The following TNXB variants were observed in gnomAD, a reference collection of about 807,000 sequenced individuals.
TNXB encodes the protein tenascin XB.
Under a neutral mutation model 340.5 loss-of-function variants are expected in TNXB, and 183 were observed. That is an observed-to-expected ratio of 0.54 (90% confidence interval 0.48 to 0.61). The LOEUF is 0.61. TNXB is among the 20% of genes least tolerant of loss of function. The probability of loss-of-function intolerance (pLI) is 0.00; values close to 1 mark genes in which losing one functional copy is unlikely to be tolerated. For synonymous variants in TNXB, 2,121 were observed against 2,314.5 expected (o/e 0.92, Z 2.40); for missense variants, 4,613 against 5,446.4 (o/e 0.85, Z 4.82).
In TNXB at chr6:32,097,069, C is replaced by T; in HGVS notation, c.784G>A (p.Gly262Arg). The change falls in exon 3 of 44, where the codon GGG becomes AGG. Residue 262 changes from glycine to arginine, a missense_variant. Coordinates refer to ENST00000644971, the MANE Select transcript of TNXB (RefSeq NM_001365276.2). The surrounding 1 kb of genome is among the most constrained non-coding windows in gnomAD (Gnocchi z 5.9). Reference sequence around the variant, plus strand: ...TAGCCTGGGTCACACACGCAGCGCCCACCCTCACAGCGTCCCCTCTGGCTG... The same window carrying T: ...TAGCCTGGGTCACACACGCAGCGCCTACCCTCACAGCGTCCCCTCTGGCTG... The part of the protein sequence containing the change: ...GCSQRGRCEG[G>R]RCVCDPGYTG... The T allele has an allele frequency of 6.2e-7, 1 of 1,613,768 alleles. No individual in the cohort carries two copies. The highest frequency in any genetic ancestry group is 8.5e-7 in the Non-Finnish European group (1 of 1,179,758).
chr6:32,071,388 C>T (rs571150685), intron 13 of TNXB, among the ~76,000 whole-genome samples: 6 of 152,128 alleles, frequency 3.9e-5, no homozygotes, highest in African/African-American at 1.4e-4. Flanking sequence ...GGAAGGGTTC[C>T]TGGCTCCCCT....
At chr6:32,106,111 G>C (rs1045870330) in intron 1 of TNXB, among the ~76,000 whole-genome samples, 33 of 146,056 alleles carry the variant, frequency 2.3e-4, no homozygotes, top group African/African-American at 7.6e-4. Flanking sequence ...CTCTTGAGGG[G>C]GTAGTGACTA....
At position 32,067,115 on chromosome 6, in the gene TNXB, G is replaced by A. The variant is rs28732170; in HGVS notation, c.6544+546C>T. 2.3e-5 allele frequency among the ~76,000 whole-genome samples: 3 copies of A among 129,276 alleles called. No individual in the cohort carries two copies. The Admixed American group carries it at 2.6e-4, about 11-fold the overall frequency. 84.8% of individuals were successfully genotyped at this position (129,276 alleles called of 152,430 possible). A position where few individuals can be genotyped will look rare whatever the true frequency, so the allele number is the denominator to read the frequency against. On this transcript the variant is annotated intron_variant, in intron 18 of 43. Transcript: ENST00000644971. This position sits in a 1 kb window ranked among gnomAD's most constrained non-coding sequence, Gnocchi z 4.2. ...AAAGAATGAAAGAAAGAAAGAAAGA[G>A]AAAGAAAGAAAGGAAGGAAGAAAGA...
In TNXB at chr6:32,063,197, G is replaced by C. The variant is rs11753145; in HGVS notation, c.6842-714C>G. Among the ~76,000 whole-genome samples the C allele has an allele frequency of 4.8e-3, 738 of 152,280 alleles. 4 individuals are homozygous for C. The highest frequency in any genetic ancestry group is 0.02 in the Middle Eastern group (6 of 294). On this transcript the variant is annotated intron_variant, in intron 19 of 43. Transcript: ENST00000644971. ...GAGGTCAGGAGCTTGAGACCAGCCT[G>C]GCCAACATGGCGAAATCCTGTCTGT... is the stretch of plus-strand genomic sequence containing the variant.
chr6:32,105,258 C>T (rs958969742), intron 1 of TNXB, among the ~76,000 whole-genome samples: 8 of 152,142 alleles, frequency 5.3e-5, no homozygotes, highest in Non-Finnish European at 1.0e-4. Context: ...GGTCTCAGCC[C>T]GCCATTTTTT....
In TNXB at chr6:32,084,954, C is replaced by G. The variant is rs1582448903; in HGVS notation, c.3149-245G>C. Among the ~76,000 whole-genome samples the G allele has an allele frequency of 6.6e-6, 1 of 152,300 alleles. No individual in the cohort carries two copies. ...TCTTGGTCTCTCTGCACACCAGGAT[C>G]TTTGCGGGGGTTTCAGGTCCCCCTG... On this transcript the variant is annotated intron_variant, in intron 7 of 43. Transcript: ENST00000644971. This position sits in a 1 kb window ranked among gnomAD's most constrained non-coding sequence, Gnocchi z 5.5.
At chr6:32,092,605 G>A (rs1163763713) in intron 4 of TNXB, among the ~76,000 whole-genome samples, 4 of 151,572 alleles carry the variant, frequency 2.6e-5, no homozygotes, top group African/African-American at 4.8e-5. Flanking sequence ...CAGGAGAATC[G>A]TTTGAACCTG....
rs1329325238 is a variant in TNXB, at chr6:32,109,176, C to G, written c.-9+5G>C. The G allele has an allele frequency of 6.6e-6, 1 of 152,328 alleles. No individual in the cohort carries two copies. Among genetic ancestry groups the G allele is most frequent in the African/African-American group, 2.4e-5 (1 of 41,438 alleles). The allele number at this position is 152,328 out of a possible 1,614,324, so 9.4% of individuals were successfully genotyped here. ...TCTGGGTCTCCCCAGAACTCTGTTC[C>G]TTACCTGGGCAACCGAGCAGCTGCA... is the stretch of plus-strand genomic sequence containing the variant. On this transcript the variant is annotated splice_donor_5th_base_variant and intron_variant, in intron 1 of 43. Transcript: ENST00000644971.
rs1403860239 is a variant in TNXB, at chr6:32,070,034, G to A, written c.5278+93C>T. The A allele has an allele frequency of 4.9e-6, 7 of 1,432,954 alleles. No homozygotes were observed. The East Asian group carries it at 1.7e-4, about 35-fold the overall frequency. 88.8% of individuals were successfully genotyped at this position (1,432,954 alleles called of 1,614,324 possible). Reference sequence around the variant, plus strand: ...AGCTGGATCTGAGCCGAGTGGCTGGGGCCAAATAATGGTAATGGCAGCCAC... The same window carrying A: ...AGCTGGATCTGAGCCGAGTGGCTGGAGCCAAATAATGGTAATGGCAGCCAC... On this transcript the variant is annotated intron_variant, in intron 14 of 43. Transcript: ENST00000644971. The surrounding 1 kb of genome is among the most constrained non-coding windows in gnomAD (Gnocchi z 6.0).
chr6:32,087,548 G>T lies in TNXB; in HGVS notation c.2779+1237C>A, dbSNP rs1411641679. 2.2e-6 allele frequency: 1 copy of T among 449,516 alleles called. No homozygotes were observed. Among genetic ancestry groups the T allele is most frequent in the Non-Finnish European group, 4.4e-6 (1 of 225,076 alleles). The allele number at this position is 449,516 out of a possible 1,614,324, so 27.8% of individuals were successfully genotyped here. ...GCAGCCACCCGGTCGACGCCTTCAG[G>T]CGAGAGGCCGTAGATTCCCTGGTTG... On this transcript the variant is annotated intron_variant, in intron 6 of 43. Coordinates refer to ENST00000644971, the MANE Select transcript of TNXB (RefSeq NM_001365276.2). This position sits in a 1 kb window ranked among gnomAD's most constrained non-coding sequence, Gnocchi z 9.0.
At chr6:32,098,452 GGTTT>G (rs1368794669) in intron 1 of TNXB, among the ~76,000 whole-genome samples, 1 of 149,746 alleles carries the variant, frequency 6.7e-6, no homozygotes, top group African/African-American at 2.5e-5. Context: ...CCCCTACACT[GGTTT>G]TTTTGTTTTG....
In TNXB at chr6:32,050,389, C is replaced by T. The variant is rs1169853068; in HGVS notation, c.9116-68G>A. 1.9e-6 allele frequency: 3 copies of T among 1,573,426 alleles called. No homozygotes were observed. In the African/African-American group the frequency reaches 4.0e-5, roughly 21 times the overall value. On this transcript the variant is annotated intron_variant, in intron 26 of 43. Transcript: ENST00000644971. ...AGTTCAGCATAGAAAGGATGTGTCA[C>T]AAAACACAAAGTGCCCAAGAACAGG...
rs546340958 is a variant in TNXB, at chr6:32,065,681, G to A, written c.6545-564C>T. ...GTCACCCAGGCTGGAGTGCAGTGGC[G>A]CGATCTTGGCTCACTGCAACCTCCA... On this transcript the variant is annotated intron_variant, in intron 18 of 43. Transcript: ENST00000644971. 6.6e-5 allele frequency among the ~76,000 whole-genome samples: 10 copies of A among 152,122 alleles called. No individual in the cohort carries two copies. In the South Asian group the frequency reaches 1.5e-3, roughly 22 times the overall value.
intron 1 of TNXB, among the ~76,000 whole-genome samples, chr6:32,098,492 T>A (rs1284034464): frequency 6.6e-6 from 1 of 152,074 alleles, no homozygotes; most frequent in African/African-American, 2.4e-5. Context: ...TTTTGTTTGT[T>A]TGTTTGAGAC....
rs1318047236 is a variant in TNXB, at chr6:32,043,794, G to C, written c.11485C>G (p.Arg3829Gly). The C allele has an allele frequency of 2.5e-6, 4 of 1,613,336 alleles. No homozygotes were observed. The highest frequency in any genetic ancestry group is 3.4e-6 in the Non-Finnish European group (4 of 1,180,012). ...ARYEVTVVSVRGFEESEPLTG... is the reference protein window; with the variant it reads ...ARYEVTVVSVGGFEESEPLTG... ...AGAGGCTCACTCTCCTCAAAGCCTC[G>C]GACCGAGACCACGGTCACCTCATAG... The change falls in exon 35 of 44, where the codon CGA becomes GGA. Residue 3829 changes from arginine to glycine, a missense_variant. Arg to Gly is a moderately radical substitution (Grantham distance 125, BLOSUM62 -2). This residue lies in a region of TNXB where 114 missense variants were observed against 104.5 expected (regional missense o/e 1.09). Transcript: ENST00000644971.
At position 32,073,606 on chromosome 6, in the gene TNXB, T is replaced by G. The variant is rs746416430; in HGVS notation, c.4681+41A>C. 38 of 1,567,790 alleles carry G rather than the reference T, an allele frequency of 2.4e-5. No individual in the cohort carries two copies. The East Asian group carries it at 8.6e-4, about 35-fold the overall frequency. Reference sequence around the variant, plus strand: ...GAAGGGCCATGGGGTGGGGGAGCTCTGGGTAACCAGAGATGAGGACTGAGT... The same window carrying G: ...GAAGGGCCATGGGGTGGGGGAGCTCGGGGTAACCAGAGATGAGGACTGAGT... On this transcript the variant is annotated intron_variant, in intron 12 of 43. Transcript: ENST00000644971. This position sits in a 1 kb window ranked among gnomAD's most constrained non-coding sequence, Gnocchi z 4.6.
chr6:32,056,214 G>A (rs1777633427), intron 23 of TNXB, 40 bp from the exon 24 acceptor site: 2 of 1,591,216 alleles, frequency 1.3e-6, no homozygotes, highest in South Asian at 1.1e-5. Context: ...AGGTGCCTGG[G>A]GGATGTGCTC....
Position 32,070,112 on chromosome 6 carries a change from G to C in TNXB, c.5278+15C>G. On this transcript the variant is annotated intron_variant, in intron 14 of 43. Transcript: ENST00000644971. This position sits in a 1 kb window ranked among gnomAD's most constrained non-coding sequence, Gnocchi z 6.0. ...GAGGGGAGCAGAGCAGGGACCTGCA[G>C]GGAATGCCCCTCACCCGTGGTGCCG... The C allele has an allele frequency of 6.5e-7, 1 of 1,541,372 alleles. No homozygotes were observed. The highest frequency in any genetic ancestry group is 8.8e-7 in the Non-Finnish European group (1 of 1,142,664).
At chr6:32,100,895 C>T (rs1780683896) in intron 1 of TNXB, among the ~76,000 whole-genome samples, 1 of 151,456 alleles carries the variant, frequency 6.6e-6, no homozygotes, top group African/African-American at 2.4e-5. Context: ...GCCTGGCCAA[C>T]ATGGTGAAAC....
Sources: allele counts gnomAD v4.1 joint callset (sites outside exome capture counted in the v4.1 genomes callset), GRCh38; gene constraint gnomAD v4.1.1; regional missense constraint gnomAD v4.1.1; non-coding constraint Gnocchi (gnomAD v3.1); transcripts MANE v1.5; gene names NCBI Gene and HGNC (gene_info 2026-07-23, HGNC 2026-07-21).